Variants in NDUFB5 observed in about 807,000 individuals in gnomAD.
The protein encoded by NDUFB5 is NADH dehydrogenase [ubiquinone] 1 beta subcomplex subunit 5, mitochondrial.
NDUFB5 carries 19 observed loss-of-function variants against 19.4 expected under a neutral mutation model. The observed-to-expected ratio is 0.98, with a 90% CI of 0.68 to 1.43. The LOEUF (loss-of-function observed/expected upper bound fraction) is 1.43, where lower values mean the gene tolerates loss of function less well. Among genes scored for constraint, NDUFB5 ranks in the 40% most tolerant of loss-of-function variants. The pLI is 0.00. For synonymous variants in NDUFB5, 80 were observed against 82.6 expected (o/e 0.97, Z 0.17); for missense variants, 233 against 236.5 (o/e 0.99, Z 0.10).
chr3:179,616,565 C>T (rs1004625145), intron 3 of NDUFB5, among the ~76,000 whole-genome samples: 1 of 151,936 alleles, frequency 6.6e-6, no homozygotes, highest in Non-Finnish European at 1.5e-5. Flanking sequence ...AACTATAATC[C>T]TCTTACAAAG....
intron 1 of NDUFB5, 33 bp downstream of exon 1, chr3:179,604,972 G>A (rs1719041317): frequency 6.6e-7 from 1 of 1,523,078 alleles, no homozygotes; most frequent in Non-Finnish European, 8.8e-7. Context: ...CGGGCGTGAA[G>A]CGGGTGCGGG....
Position 179,626,247 on chromosome 3 carries a change from C to T in NDUFB5, c.*2207C>T, listed in dbSNP as rs1329200027. 6.6e-6 allele frequency: 1 copy of T among 151,704 alleles called. No individual in the cohort carries two copies. Among genetic ancestry groups the T allele is most frequent in the Non-Finnish European group, 1.5e-5 (1 of 68,000 alleles). 9.4% of individuals were successfully genotyped at this position (151,704 alleles called of 1,614,324 possible). A position where few individuals can be genotyped will look rare whatever the true frequency, so the allele number is the denominator to read the frequency against. ...TCCTTTGAGAAATGTCTATACAGAT[C>T]TCTGGCCCTTTTTTTAAATTTTTTT... On this transcript the variant is annotated 3_prime_UTR_variant, in exon 6 of 6. Coordinates refer to ENST00000259037, the MANE Select transcript of NDUFB5 (RefSeq NM_002492.4).
rs11539673 is a variant in NDUFB5, at chr3:179,604,840, C to G, written c.25C>G (p.Arg9Gly). ...CATGGCGGCCATGAGTTTGTTGCGG[C>G]GGGTTTCGGTTACTGCGGTGGCAGC... MAAMSLLR[R>G]VSVTAVAALS... Residue 9 changes from arginine (R) to glycine (G), a missense_variant, in exon 1 of 6, where the codon CGG becomes GGG. Arg to Gly is a moderately radical substitution (Grantham distance 125). Coordinates refer to ENST00000259037, the MANE Select transcript of NDUFB5 (RefSeq NM_002492.4). 6.2e-7 allele frequency: 1 copy of G among 1,605,912 alleles called. No individual in the cohort carries two copies. Among genetic ancestry groups the G allele is most frequent in the East Asian group, 2.2e-5 (1 of 44,826 alleles).
rs761363787 is a variant in NDUFB5, at chr3:179,616,025, A to G, written c.256A>G (p.Ile86Val). ...GACTGGGATTCCAGTAGCAATTTTC[A>G]TAACTCTGGTGAATGTATTCATTGG... is the stretch of plus-strand genomic sequence containing the variant. ...ALTGIPVAIF[I>V]TLVNVFIGQA... Residue 86 changes from isoleucine to valine, a missense_variant, in exon 3 of 6, where the codon ATA becomes GTA. Physicochemically the swap from Ile to Val is conservative, Grantham distance 29 (BLOSUM62 3). Transcript: ENST00000259037. 2 of 1,613,736 alleles carry G rather than the reference A, an allele frequency of 1.2e-6. No individual in the cohort carries two copies. The highest frequency in any genetic ancestry group is 1.7e-6 in the Non-Finnish European group (2 of 1,179,830).
At chr3:179,605,486 G>T (rs1719061670) in intron 1 of NDUFB5, among the ~76,000 whole-genome samples, 1 of 152,094 alleles carries the variant, frequency 6.6e-6, no homozygotes, top group Admixed American at 6.6e-5. Flanking sequence ...TGTTTTTTGA[G>T]ACAGAGTCTC....
chr3:179,624,053 C>A lies in NDUFB5; in HGVS notation c.*13C>A. 6.2e-7 allele frequency: 1 copy of A among 1,608,136 alleles called. No homozygotes were observed. Among genetic ancestry groups the A allele is most frequent in the Non-Finnish European group, 8.5e-7 (1 of 1,175,444 alleles). ...TCCTGACAATTAAGCATTTTTTTCTCCAAATACAAAGTATATTCTCTTTAT... is the reference window on the plus strand; with the variant it reads ...TCCTGACAATTAAGCATTTTTTTCTACAAATACAAAGTATATTCTCTTTAT... On this transcript the variant is annotated 3_prime_UTR_variant, in exon 6 of 6. Coordinates refer to ENST00000259037, the MANE Select transcript of NDUFB5 (RefSeq NM_002492.4).
chr3:179,623,254 C>T (rs1719582722), intron 5 of NDUFB5, among the ~76,000 whole-genome samples: 3 of 152,224 alleles, frequency 2.0e-5, no homozygotes, highest in African/African-American at 2.4e-5. Flanking sequence ...CTGTAAATGA[C>T]TCTCCTAGCA....
intron 1 of NDUFB5, among the ~76,000 whole-genome samples, chr3:179,612,498 G>C (rs553985170): frequency 8.5e-6 from 1 of 117,178 alleles, no homozygotes; most frequent in Non-Finnish European, 1.7e-5. Flanking sequence ...TTTTTTTTGA[G>C]ACAGAGTCTC....
rs531882521 is a variant in NDUFB5, at chr3:179,606,322, C to T, written c.124+1383C>T. 1.3e-4 allele frequency among the ~76,000 whole-genome samples: 20 copies of T among 152,188 alleles called. No individual in the cohort carries two copies. In the East Asian group the frequency reaches 1.7e-3, roughly 13 times the overall value. ...GCCAACATTTACTGAGCACCTGTTACGTGTCAAGCATCCTTTTTTATTTTT... is the reference window on the plus strand; with the variant it reads ...GCCAACATTTACTGAGCACCTGTTATGTGTCAAGCATCCTTTTTTATTTTT... On this transcript the variant is annotated intron_variant, in intron 1 of 5. Transcript: ENST00000259037.
intron 1 of NDUFB5, among the ~76,000 whole-genome samples, chr3:179,612,500 CAG>C (rs1360785429): frequency 8.5e-6 from 1 of 118,270 alleles, no homozygotes; most frequent in East Asian, 2.6e-4. Context: ...TTTTTTGAGA[CAG>C]AGTCTCACTC....
intron 5 of NDUFB5, among the ~76,000 whole-genome samples, chr3:179,621,008 A>G (rs1023008794): frequency 1.3e-5 from 2 of 152,152 alleles, no homozygotes; most frequent in African/African-American, 4.8e-5. Context: ...TTACCTCATC[A>G]TTTCAATTTT....
Position 179,624,115 on chromosome 3 carries a change from C to T in NDUFB5, c.*75C>T. The T allele has an allele frequency of 6.6e-6, 9 of 1,368,828 alleles. No individual in the cohort carries two copies. Among genetic ancestry groups the T allele is most frequent in the Non-Finnish European group, 7.9e-6 (8 of 1,016,014 alleles). 84.8% of individuals were successfully genotyped at this position (1,368,828 alleles called of 1,614,324 possible). ...TTAATAAATATATTCTGTATTTTTG[C>T]TCTCCGTGAAAAACAAAAGAGCCTC... On this transcript the variant is annotated 3_prime_UTR_variant, in exon 6 of 6. Coordinates refer to ENST00000259037, the MANE Select transcript of NDUFB5 (RefSeq NM_002492.4).
At chr3:179,615,085 A>G in intron 2 of NDUFB5, 26 bp downstream of exon 2, 2 of 1,537,262 alleles carry the variant, frequency 1.3e-6, no homozygotes, top group Non-Finnish European at 1.8e-6. Context: ...TTGTTGAATT[A>G]AAGTCTTTGC....
In NDUFB5 at chr3:179,624,036, A is replaced by G. The variant is rs1217917682; in HGVS notation, c.566A>G (p.Asn189Ser). The G allele has an allele frequency of 5.0e-6, 8 of 1,612,716 alleles. No individual in the cohort carries two copies. The highest frequency in any genetic ancestry group is 2.7e-5 in the African/African-American group (2 of 74,896). Reference sequence around the variant, plus strand: ...CATTCTCCGAAAGCAACTCCTGACAATTAAGCATTTTTTTCTCCAAATACA... The same window carrying G: ...CATTCTCCGAAAGCAACTCCTGACAGTTAAGCATTTTTTTCTCCAAATACA... The part of the protein sequence containing the change: ...IDHSPKATPD[N>S] The change falls in exon 6 of 6, where the codon AAT becomes AGT. Residue 189 changes from asparagine (N) to serine (S), a missense_variant. Asn to Ser is a conservative substitution (Grantham distance 46). Coordinates refer to ENST00000259037, the MANE Select transcript of NDUFB5 (RefSeq NM_002492.4).
intron 5 of NDUFB5, among the ~76,000 whole-genome samples, chr3:179,621,989 A>G (rs1268407345): frequency 6.6e-6 from 1 of 151,820 alleles, no homozygotes; most frequent in Non-Finnish European, 1.5e-5. Context: ...TTTTTTTGAG[A>G]CAGGATCTCG....
At chr3:179,619,790 A>G (rs1219763114) in intron 5 of NDUFB5, among the ~76,000 whole-genome samples, 1 of 152,134 alleles carries the variant, frequency 6.6e-6, no homozygotes, top group South Asian at 2.1e-4. Context: ...TTCCACAATG[A>G]TTGAACTAGT....
chr3:179,616,032 T>G lies in NDUFB5; in HGVS notation c.263T>G (p.Leu88Arg). 1 of 1,613,642 alleles carries G rather than the reference T, an allele frequency of 6.2e-7. No homozygotes were observed. Among genetic ancestry groups the G allele is most frequent in the Non-Finnish European group, 8.5e-7 (1 of 1,179,704 alleles). ...TGIPVAIFIT[L>R]VNVFIGQAEL... ...ATTCCAGTAGCAATTTTCATAACTC[T>G]GGTGAATGTATTCATTGGTAAGTCA... The change falls in exon 3 of 6, where the codon CTG (leucine) becomes CGG (arginine). Residue 88 changes from leucine to arginine, a missense_variant. Physicochemically the swap from Leu to Arg is moderately radical, Grantham distance 102. Coordinates refer to ENST00000259037, the MANE Select transcript of NDUFB5 (RefSeq NM_002492.4).
intron 5 of NDUFB5, 97 bp from the exon 6 acceptor site, chr3:179,623,823 A>C: frequency 1.4e-6 from 2 of 1,472,756 alleles, no homozygotes; most frequent in Non-Finnish European, 1.9e-6. Context: ...TACTTTACAT[A>C]AAAGCAGACT....
At chr3:179,623,106 T>TA (rs1719579710) in intron 5 of NDUFB5, among the ~76,000 whole-genome samples, 1 of 152,190 alleles carries the variant, frequency 6.6e-6, no homozygotes, top group Admixed American at 6.5e-5. Flanking sequence ...TGCTGGTGAA[T>TA]AAAAAACCAG....
Sources: gnomAD v4.1 joint callset for allele counts (sites outside exome capture counted in the v4.1 genomes callset) on GRCh38, gnomAD v4.1.1 for gene constraint, MANE v1.5 for transcripts, NCBI Gene and HGNC (gene_info 2026-07-23, HGNC 2026-07-21) for gene names.